Variants in LRRC7 observed in about 807,000 individuals in gnomAD.
The protein encoded by LRRC7 is leucine rich repeat containing 7, also known as leucine-rich repeat-containing protein 7.
Under a neutral mutation model 175.7 loss-of-function variants are expected in LRRC7, and 23 were observed. That is an observed-to-expected ratio of 0.13 (90% CI 0.09 to 0.19). The LOEUF (loss-of-function observed/expected upper bound fraction) is 0.19. LRRC7 is among the 10% of genes least tolerant of loss of function. LRRC7 has a pLI of 1.00. For synonymous variants in LRRC7, 685 were observed against 680.9 expected (o/e 1.01, Z -0.09); for missense variants, 1,354 against 1,904.7 (o/e 0.71, Z 5.38).
At chr1:69,873,153 A>G (rs1171737190) in intron 7 of LRRC7, among the ~76,000 whole-genome samples, 1 of 152,140 alleles carries the variant, frequency 6.6e-6, no homozygotes, top group Non-Finnish European at 1.5e-5. Context: ...TTTCATGACA[A>G]TGGCTTATCA....
At chr1:69,781,913 GAAGA>G (rs760972258) in intron 3 of LRRC7, among the ~76,000 whole-genome samples, 1,815 of 68,054 alleles carry the variant, frequency 0.027, 51 homozygotes, top group Admixed American at 0.036. Context: ...GAAAGAAAAA[GAAGA>G]AAGAAAGAAA....
At chr1:69,967,586 C>T (rs930476622) in intron 8 of LRRC7, among the ~76,000 whole-genome samples, 1 of 152,170 alleles carries the variant, frequency 6.6e-6, no homozygotes, top group African/African-American at 2.4e-5. Context: ...GAGCAGGTGC[C>T]AGTATCCACA....
intron 23 of LRRC7, among the ~76,000 whole-genome samples, chr1:70,062,810 T>TC (rs1661684295): frequency 6.6e-6 from 1 of 152,128 alleles, no homozygotes; most frequent in South Asian, 2.1e-4. Flanking sequence ...TTGATTTTAG[T>TC]ATTATTTAAT....
chr1:70,102,604 A>G (rs971372590), intron 25 of LRRC7, among the ~76,000 whole-genome samples: 6 of 152,050 alleles, frequency 3.9e-5, no homozygotes, highest in Admixed American at 1.3e-4. Context: ...GGCTCAAGCA[A>G]TCTGCCTACT....
At chr1:70,108,526 TA>T (rs1297594517) in intron 26 of LRRC7, among the ~76,000 whole-genome samples, 2 of 152,216 alleles carry the variant, frequency 1.3e-5, no homozygotes, top group Non-Finnish European at 2.9e-5. Context: ...ACTTCCTATA[TA>T]AGAGGTGCAT....
At chr1:69,711,166 C>G (rs1473302455) in intron 2 of LRRC7, among the ~76,000 whole-genome samples, 1 of 152,180 alleles carries the variant, frequency 6.6e-6, no homozygotes, top group Non-Finnish European at 1.5e-5. Flanking sequence ...TTCTCCCTTG[C>G]TGAGGATGGC....
chr1:69,622,933 G>T (rs113059339), intron 1 of LRRC7, among the ~76,000 whole-genome samples: 3,272 of 152,254 alleles, frequency 0.021, 50 homozygotes, highest in Admixed American at 0.049. Context: ...ATGGGCTCAG[G>T]TCCTTCTTAA....
intron 1 of LRRC7, among the ~76,000 whole-genome samples, chr1:69,650,423 C>G (rs1177589283): frequency 6.6e-6 from 1 of 151,170 alleles, no homozygotes; most frequent in African/African-American, 2.4e-5. Flanking sequence ...GCCTGCAGTC[C>G]CAGCTACTCA....
Position 69,568,152 on chromosome 1 carries a change from C to G in LRRC7, c.-488C>G, listed in dbSNP as rs932521182. Among the ~76,000 whole-genome samples, 1 of 152,218 alleles carries G rather than the reference C, an allele frequency of 6.6e-6. No individual in the cohort carries two copies. Among genetic ancestry groups the G allele is most frequent in the Middle Eastern group, 3.4e-3 (1 of 290 alleles). ...CCTGGGGATCCTCGCCCTGCACAGG[C>G]GCGGCAACGGGCAGGGGTTGTTACG... On this transcript the variant is annotated 5_prime_UTR_variant, in exon 1 of 27. Coordinates refer to ENST00000651989, the MANE Select transcript of LRRC7 (RefSeq NM_001370785.2).
rs781204065 is a variant in LRRC7 at position 70,039,496 on chromosome 1, G to A, written c.3672G>A (p.Ala1224=). 2.9e-5 allele frequency: 47 copies of A among 1,614,038 alleles called. No individual in the cohort carries two copies. The highest frequency in any genetic ancestry group is 2.5e-4 in the Admixed American group (15 of 60,006). Residue 1224 remains alanine (A), a synonymous_variant, in exon 21 of 27, where the codon GCG becomes GCA. Transcript: ENST00000651989. ...CATATCAAGAAGTGAAAGCTCAGGC[G>A]GGAAGTTTTCCGGTTAAAAACCTTA... ...HPSYQEVKAQ[A]GSFPVKNLTQ...
intron 8 of LRRC7, among the ~76,000 whole-genome samples, chr1:69,954,134 G>A (rs891630599): frequency 6.6e-6 from 1 of 151,948 alleles, no homozygotes; most frequent in African/African-American, 2.4e-5. Context: ...TAAGCTTTCC[G>A]TAAGGCGCAG....
intron 2 of LRRC7, among the ~76,000 whole-genome samples, chr1:69,708,177 C>G (rs1479123960): frequency 2.0e-5 from 3 of 152,130 alleles, no homozygotes; most frequent in Non-Finnish European, 4.4e-5. Context: ...CACATAAAAC[C>G]TAAGTAAAAA....
intron 2 of LRRC7, among the ~76,000 whole-genome samples, chr1:69,718,070 AAAGAG>A (rs1557642744): frequency 7.4e-6 from 1 of 135,466 alleles, no homozygotes; most frequent in African/African-American, 2.8e-5. Context: ...GAAATAAGAG[AAAGAG>A]AAGAGAGAGA....
At chr1:70,030,868 C>T (rs1658644782) in intron 18 of LRRC7, among the ~76,000 whole-genome samples, 1 of 152,156 alleles carries the variant, frequency 6.6e-6, no homozygotes, top group Non-Finnish European at 1.5e-5. Flanking sequence ...TTTTAACATA[C>T]ATTATGCCAG....
intron 1 of LRRC7, among the ~76,000 whole-genome samples, chr1:69,613,292 GCT>G (rs1649092290): frequency 6.6e-6 from 1 of 151,966 alleles, no homozygotes; most frequent in South Asian, 2.1e-4. Flanking sequence ...GAACCAGCAA[GCT>G]CTCTCAGGTC....
chr1:69,707,345 T>A (rs1238740743), intron 2 of LRRC7, among the ~76,000 whole-genome samples: 2 of 152,126 alleles, frequency 1.3e-5, no homozygotes, highest in African/African-American at 4.8e-5. Flanking sequence ...GCCAACCCTC[T>A]TCATCCCTCT....
At chr1:69,647,547 G>A (rs1267832443) in intron 1 of LRRC7, among the ~76,000 whole-genome samples, 2 of 151,856 alleles carry the variant, frequency 1.3e-5, no homozygotes, top group African/African-American at 4.8e-5. Flanking sequence ...TGTATCTAAT[G>A]TTTTCCATTC....
intron 13 of LRRC7, among the ~76,000 whole-genome samples, chr1:70,013,624 G>A (rs1280859691): frequency 2.0e-5 from 3 of 151,822 alleles, no homozygotes; most frequent in Non-Finnish European, 4.4e-5. Flanking sequence ...TTCCAATAAC[G>A]GCATTATATT....
intron 2 of LRRC7, among the ~76,000 whole-genome samples, chr1:69,683,156 T>A (rs1000968228): frequency 2.0e-5 from 3 of 152,182 alleles, no homozygotes; most frequent in African/African-American, 7.2e-5. Context: ...AGTGGTGCTG[T>A]TAATCATCTA....
Sources: allele counts gnomAD v4.1 joint callset (sites outside exome capture counted in the v4.1 genomes callset), GRCh38; gene constraint gnomAD v4.1.1; transcripts MANE v1.5; gene names NCBI Gene and HGNC (gene_info 2026-07-23, HGNC 2026-07-21).